The following DOCK3 variants were observed in gnomAD, a reference collection of about 807,000 sequenced individuals.
DOCK3 encodes dedicator of cytokinesis protein 3.
DOCK3 carries 60 observed loss-of-function variants against 265.6 expected under a neutral mutation model. The ratio of observed to expected loss-of-function variants is 0.23; its 90% confidence interval spans 0.18 to 0.28. DOCK3 has a LOEUF of 0.28. DOCK3 is among the 10% of genes least tolerant of loss of function. The pLI is 1.00. For missense variants in DOCK3, 1,981 were observed against 2,594.3 expected (o/e 0.76, Z 5.14); for synonymous variants, 881 against 938.0 (o/e 0.94, Z 1.11).
chr3:50,805,061 G>C (rs1006134637), intron 2 of DOCK3, among the ~76,000 whole-genome samples: 5 of 151,954 alleles, frequency 3.3e-5, no homozygotes, highest in Admixed American at 2.6e-4. Flanking sequence ...TTTCTTTGTA[G>C]GTGACGTGTT....
chr3:50,908,152 A>G (rs1192922972), intron 4 of DOCK3, among the ~76,000 whole-genome samples: 1 of 151,102 alleles, frequency 6.6e-6, no homozygotes, highest in Non-Finnish European at 1.5e-5. Flanking sequence ...AATTTTTTCA[A>G]AAAACCATCT....
intron 5 of DOCK3, among the ~76,000 whole-genome samples, chr3:51,039,883 CTTTTTTTT>C (rs60370676): frequency 3.0e-5 from 3 of 99,872 alleles, no homozygotes; most frequent in Non-Finnish European, 4.0e-5. Flanking sequence ...GCTTTGAGGT[CTTTTTTTT>C]TTTTTTTTTT....
At position 51,049,258 on chromosome 3, in the gene DOCK3, G is replaced by A. The variant is rs1293905984; in HGVS notation, c.316-15190G>A. Among the ~76,000 whole-genome samples, 69 of 151,274 alleles carry A rather than the reference G, an allele frequency of 4.6e-4. 1 individual carries two copies. Among genetic ancestry groups the A allele is most frequent in the Non-Finnish European group, 4.4e-5 (3 of 67,784 alleles). On this transcript the variant is annotated intron_variant, in intron 5 of 52. Coordinates refer to ENST00000266037, the MANE Select transcript of DOCK3 (RefSeq NM_004947.5). ...GGAGGATCGCTTGAGCCTGGGAGGTGGCGATTGCAGTGAGCTGAGATTGTA... is the reference window on the plus strand; with the variant it reads ...GGAGGATCGCTTGAGCCTGGGAGGTAGCGATTGCAGTGAGCTGAGATTGTA...
chr3:51,189,263 A>AT (rs58609915), intron 12 of DOCK3, among the ~76,000 whole-genome samples: 230 of 148,200 alleles, frequency 1.6e-3, no homozygotes, highest in Non-Finnish European at 2.0e-3. Context: ...TTTGCCCACT[A>AT]TTTTTTTTTT....
chr3:50,771,584 G>T (rs2041278115), intron 1 of DOCK3, among the ~76,000 whole-genome samples: 1 of 152,154 alleles, frequency 6.6e-6, no homozygotes, highest in Admixed American at 6.5e-5. Context: ...GGGTGTGGTG[G>T]CTCACACCTG....
chr3:50,853,970 C>A (rs1559726179), intron 3 of DOCK3, among the ~76,000 whole-genome samples: 2 of 151,600 alleles, frequency 1.3e-5, no homozygotes, highest in South Asian at 4.1e-4. Flanking sequence ...TCCTCGAGAA[C>A]ATCTGTTATT....
intron 27 of DOCK3, among the ~76,000 whole-genome samples, chr3:51,308,525 A>G (rs530823065): frequency 1.8e-3 from 268 of 151,546 alleles, no homozygotes; most frequent in Middle Eastern, 0.017. Context: ...CAGAGAGCAC[A>G]GGGTTGGGGG....
At chr3:51,246,696 T>C (rs1412953890) in intron 21 of DOCK3, 30 bp from the exon 22 acceptor site, 2 of 1,600,172 alleles carry the variant, frequency 1.2e-6, no homozygotes, top group Middle Eastern at 1.6e-4. Flanking sequence ...TGAATTAAAG[T>C]GGGGTTTCTG....
intron 5 of DOCK3, among the ~76,000 whole-genome samples, chr3:51,047,679 C>T (rs1429203823): frequency 2.0e-5 from 3 of 151,930 alleles, no homozygotes; most frequent in South Asian, 2.1e-4. Flanking sequence ...TACAACTTCA[C>T]GAGGCTGATC....
At chr3:50,732,664 G>A (rs926074805) in intron 1 of DOCK3, among the ~76,000 whole-genome samples, 4 of 152,150 alleles carry the variant, frequency 2.6e-5, no homozygotes, top group Admixed American at 6.5e-5. Flanking sequence ...TCCCACCTCC[G>A]CCTCCCAAAG....
At chr3:51,310,884 T>C (rs2083034256) in intron 28 of DOCK3, among the ~76,000 whole-genome samples, 1 of 152,244 alleles carries the variant, frequency 6.6e-6, no homozygotes, top group Non-Finnish European at 1.5e-5. Context: ...AGAAGGCTAC[T>C]TGGCCTCCAC....
intron 27 of DOCK3, among the ~76,000 whole-genome samples, chr3:51,302,872 T>A (rs1475173654): frequency 6.6e-6 from 1 of 152,190 alleles, no homozygotes; most frequent in African/African-American, 2.4e-5. Context: ...CATTTCAACC[T>A]TGGAGAATCT....
chr3:50,686,828 G>A (rs541502319), intron 1 of DOCK3, among the ~76,000 whole-genome samples: 1 of 145,296 alleles, frequency 6.9e-6, no homozygotes, highest in Non-Finnish European at 1.5e-5. Context: ...AGAATCGTTT[G>A]AACCTGGGAG....
intron 9 of DOCK3, among the ~76,000 whole-genome samples, chr3:51,097,723 A>C (rs1027052927): frequency 6.6e-6 from 1 of 152,108 alleles, no homozygotes; most frequent in Non-Finnish European, 1.5e-5. Context: ...TGTGCTTGAA[A>C]TCCAGGGCCC....
At chr3:51,242,143 A>G (rs2078637665) in intron 21 of DOCK3, among the ~76,000 whole-genome samples, 1 of 152,022 alleles carries the variant, frequency 6.6e-6, no homozygotes, top group Non-Finnish European at 1.5e-5. Context: ...TATGGTATAA[A>G]GTGGATTCAG....
intron 1 of DOCK3, among the ~76,000 whole-genome samples, chr3:50,705,879 A>G (rs979704519): frequency 2.0e-5 from 3 of 152,124 alleles, no homozygotes; most frequent in East Asian, 1.9e-4. Context: ...AAAAATACAA[A>G]CATTAGCTGG....
intron 40 of DOCK3, among the ~76,000 whole-genome samples, chr3:51,352,370 C>A (rs974113707): frequency 6.6e-6 from 1 of 152,206 alleles, no homozygotes; most frequent in Admixed American, 6.5e-5. Flanking sequence ...AATGCTCCAT[C>A]GTAGTCCAAC....
In DOCK3 at chr3:51,379,667, T is replaced by C. The variant is rs1245141673; in HGVS notation, c.5501-458T>C. 3 of 979,454 alleles carry C rather than the reference T, an allele frequency of 3.1e-6. No homozygotes were observed. The African/African-American group carries it at 5.2e-5, about 17-fold the overall frequency. The allele number at this position is 979,454 out of a possible 1,614,324, so 60.7% of individuals were successfully genotyped here. A position where few individuals can be genotyped will look rare whatever the true frequency, so the allele number is the denominator to read the frequency against. ...CCATCTAAGCTGAGAAGATGGGCCATTCTCTGGGCCGACTCAGCCAAAGCC... is the reference window on the plus strand; with the variant it reads ...CCATCTAAGCTGAGAAGATGGGCCACTCTCTGGGCCGACTCAGCCAAAGCC... On this transcript the variant is annotated intron_variant, in intron 51 of 52. Coordinates refer to ENST00000266037, the MANE Select transcript of DOCK3 (RefSeq NM_004947.5).
intron 49 of DOCK3, among the ~76,000 whole-genome samples, chr3:51,364,906 C>T (rs1249184364): frequency 6.6e-6 from 1 of 152,098 alleles, no homozygotes; most frequent in Non-Finnish European, 1.5e-5. Flanking sequence ...TAGTTTGAAG[C>T]CAGATAGTAT....
Sources: allele counts gnomAD v4.1 joint callset (sites outside exome capture counted in the v4.1 genomes callset), GRCh38; gene constraint gnomAD v4.1.1; transcripts MANE v1.5; gene names NCBI Gene and HGNC (gene_info 2026-07-23, HGNC 2026-07-21).